Variants in ZNF85 observed in about 807,000 individuals in gnomAD.
ZNF85 encodes the protein zinc finger protein 85 (HPF4, HTF1).
Under a neutral mutation model 53.9 loss-of-function variants are expected in ZNF85, and 50 were observed. The observed-to-expected ratio is 0.93, with a 90% CI of 0.74 to 1.17. ZNF85 has a LOEUF of 1.17. Ranked by LOEUF, ZNF85 falls within the 50% of genes most tolerant of loss-of-function variation. The pLI is 0.00. For missense variants in ZNF85, 747 were observed against 688.5 expected, an observed-to-expected ratio of 1.08 and a Z score of -0.95; for synonymous variants, 225 against 226.1, an observed-to-expected ratio of 1.00 and a Z score of 0.04.
chr19:20,937,987 G>A (rs1973198983), intron 3 of ZNF85, among the ~76,000 whole-genome samples: 1 of 152,192 alleles, frequency 6.6e-6, no homozygotes, highest in Admixed American at 6.5e-5. Context: ...TTGGGCTTTA[G>A]CAGTTTCACA....
intron 3 of ZNF85, among the ~76,000 whole-genome samples, chr19:20,941,423 C>T (rs971400343): frequency 3.9e-5 from 6 of 152,034 alleles, no homozygotes; most frequent in Admixed American, 1.3e-4. Flanking sequence ...CCGTCACACC[C>T]GGCTAATTTT....
chr19:20,930,222 T>A (rs1972982533), intron 1 of ZNF85, among the ~76,000 whole-genome samples: 1 of 150,586 alleles, frequency 6.6e-6, no homozygotes, highest in Admixed American at 6.6e-5. Flanking sequence ...CCAAAACAGA[T>A]AAATGGTAAA....
intron 1 of ZNF85, among the ~76,000 whole-genome samples, chr19:20,926,543 T>G (rs551270565): frequency 6.6e-6 from 1 of 152,024 alleles, no homozygotes; most frequent in East Asian, 1.9e-4. Context: ...AAATTAAAGC[T>G]TGAACCCAGT....
intron 3 of ZNF85, among the ~76,000 whole-genome samples, chr19:20,947,182 G>A (rs1973441106): frequency 6.6e-6 from 1 of 151,692 alleles, no homozygotes; most frequent in African/African-American, 2.4e-5. Flanking sequence ...ATGAACTTTA[G>A]TTGTATACAA....
At chr19:20,923,520 T>C (rs1972807272) in intron 1 of ZNF85, 117 bp downstream of exon 1, 6 of 1,547,038 alleles carry the variant, frequency 3.9e-6, no homozygotes, top group Non-Finnish European at 8.8e-7. Context: ...GCGCTCCAGT[T>C]CTTTTTGCCC....
chr19:20,931,469 A>C (rs991261825), intron 1 of ZNF85, among the ~76,000 whole-genome samples: 1 of 152,110 alleles, frequency 6.6e-6, no homozygotes, highest in African/African-American at 2.4e-5. Context: ...TGTGACTCTT[A>C]AGTTGAGGCC....
Position 20,949,836 on chromosome 19 carries a change from T to G in ZNF85, c.1322T>G (p.Leu441Arg), listed in dbSNP as rs1279816894. Residue 441 changes from leucine to arginine, a missense_variant, in exon 4 of 4, where the codon CTT becomes CGT. Transcript: ENST00000328178. ...AAAGCTTTTAACCAATCCTCAAAAC[T>G]TACTGAACATAAGAAAATTCATACT... ...CEKAFNQSSK[L>R]TEHKKIHTGE... 6.2e-7 allele frequency: 1 copy of G among 1,612,466 alleles called. No individual in the cohort carries two copies.
intron 1 of ZNF85, among the ~76,000 whole-genome samples, chr19:20,924,864 A>G (rs751981907): frequency 6.6e-6 from 1 of 152,122 alleles, no homozygotes; most frequent in Non-Finnish European, 1.5e-5. Flanking sequence ...TTCTTATCAG[A>G]ATATTGGTGG....
chr19:20,931,462 G>T (rs1464352176), intron 1 of ZNF85, among the ~76,000 whole-genome samples: 1 of 152,084 alleles, frequency 6.6e-6, no homozygotes, highest in Non-Finnish European at 1.5e-5. Flanking sequence ...TGCCTCATGT[G>T]ACTCTTAAGT....
At chr19:20,930,243 G>C (rs1285493129) in intron 1 of ZNF85, among the ~76,000 whole-genome samples, 1 of 149,006 alleles carries the variant, frequency 6.7e-6, no homozygotes, top group African/African-American at 2.5e-5. Flanking sequence ...AATAAAGTAT[G>C]TATTTTAGGG....
intron 1 of ZNF85, among the ~76,000 whole-genome samples, chr19:20,925,187 G>A (rs772010957): frequency 2.0e-5 from 3 of 152,058 alleles, no homozygotes; most frequent in African/African-American, 4.8e-5. Context: ...AGCTGGGCGC[G>A]GTGGCTCACA....
intron 3 of ZNF85, among the ~76,000 whole-genome samples, chr19:20,937,652 A>G (rs1230664078): frequency 4.6e-5 from 7 of 152,206 alleles, no homozygotes; most frequent in Non-Finnish European, 8.8e-5. Context: ...ACTGAATACC[A>G]GAGAGCATTT....
intron 3 of ZNF85, among the ~76,000 whole-genome samples, chr19:20,937,790 C>T (rs1466637131): frequency 7.9e-5 from 12 of 152,146 alleles, no homozygotes; most frequent in Non-Finnish European, 1.3e-4. Context: ...GGCCTGTCTG[C>T]ATGTCTATAA....
At position 20,949,673 on chromosome 19, in the gene ZNF85, A is replaced by T. The variant is rs1973524510; in HGVS notation, c.1159A>T (p.Thr387Ser). 2 of 1,613,372 alleles carry T rather than the reference A, an allele frequency of 1.2e-6. No individual in the cohort carries two copies. The highest frequency in any genetic ancestry group is 1.7e-6 in the Non-Finnish European group (2 of 1,179,626). ...CTTTAATCATTTCTCACACCTTACT[A>T]CACATAAGATAATTCATACTGGAGA... Reference protein sequence around the residue: ...KAFNHFSHLTTHKIIHTGEKP... With the variant: ...KAFNHFSHLTSHKIIHTGEKP... Residue 387 changes from threonine (T) to serine (S), a missense_variant, in exon 4 of 4, where the codon ACA becomes TCA. Thr to Ser is a moderately conservative substitution (Grantham distance 58). Coordinates refer to ENST00000328178, the MANE Select transcript of ZNF85 (RefSeq NM_003429.5).
chr19:20,938,226 C>T (rs1299852302), intron 3 of ZNF85, among the ~76,000 whole-genome samples: 1 of 152,158 alleles, frequency 6.6e-6, no homozygotes, highest in Non-Finnish European at 1.5e-5. Context: ...CACACCACCA[C>T]ACAGGGCTAA....
Position 20,949,762 on chromosome 19 carries a change from T to A in ZNF85, c.1248T>A (p.His416Gln), listed in dbSNP as rs745352419. Residue 416 changes from histidine to glutamine, a missense_variant, in exon 4 of 4, where the codon CAT becomes CAA. His to Gln is a conservative substitution (Grantham distance 24). Coordinates refer to ENST00000328178, the MANE Select transcript of ZNF85 (RefSeq NM_003429.5). Reference protein sequence around the residue: ...AFKHSSTLTKHKIIHTGEKPY... With the variant: ...AFKHSSTLTKQKIIHTGEKPY... ...AACACTCTTCAACCCTTACTAAACATAAGATAATTCATACTGGAGAGAAGC... is the reference window on the plus strand; with the variant it reads ...AACACTCTTCAACCCTTACTAAACAAAAGATAATTCATACTGGAGAGAAGC... 1.9e-6 allele frequency: 3 copies of A among 1,611,904 alleles called. No homozygotes were observed. Among genetic ancestry groups the A allele is most frequent in the Non-Finnish European group, 2.5e-6 (3 of 1,179,066 alleles).
intron 1 of ZNF85, among the ~76,000 whole-genome samples, chr19:20,931,296 A>T (rs1158018816): frequency 6.6e-6 from 1 of 152,100 alleles, no homozygotes; most frequent in Non-Finnish European, 1.5e-5. Flanking sequence ...TTATAAGCTC[A>T]TTAAAACTTG....
At chr19:20,931,710 C>A (rs751635606) in intron 1 of ZNF85, among the ~76,000 whole-genome samples, 1 of 146,018 alleles carries the variant, frequency 6.8e-6, no homozygotes, top group South Asian at 2.1e-4. Context: ...TGGGTTCAAG[C>A]GATTCTCTTG....
At chr19:20,947,516 T>G (rs1422639578) in intron 3 of ZNF85, among the ~76,000 whole-genome samples, 4 of 141,866 alleles carry the variant, frequency 2.8e-5, no homozygotes, top group African/African-American at 7.7e-5. Flanking sequence ...TTTTTTTTTT[T>G]TACTAATTTC....
Sources: allele counts gnomAD v4.1 joint callset (sites outside exome capture counted in the v4.1 genomes callset), GRCh38; gene constraint gnomAD v4.1.1; transcripts MANE v1.5; gene names NCBI Gene and HGNC (gene_info 2026-07-23, HGNC 2026-07-21).